The following FUT8 variants were observed in gnomAD, a reference collection of about 807,000 sequenced individuals.
The protein encoded by FUT8 is alpha-(1,6)-fucosyltransferase.
Under a neutral mutation model 71.3 loss-of-function variants are expected in FUT8, and 29 were observed. That is an observed-to-expected ratio of 0.41 (90% CI 0.30 to 0.55). The LOEUF (loss-of-function observed/expected upper bound fraction) is 0.55, where lower values mean the gene tolerates loss of function less well. Ranked by LOEUF, FUT8 falls within the 20% of genes least tolerant of loss-of-function variation. FUT8 has a pLI of 0.34. For missense variants in FUT8, 544 were observed against 702.1 expected, an observed-to-expected ratio of 0.77 and a Z score of 2.55; for synonymous variants, 254 against 239.3, an observed-to-expected ratio of 1.06 and a Z score of -0.57.
the FUT8 span, among the ~76,000 whole-genome samples, chr14:65,374,807 G>A: frequency 6.7e-6 from 1 of 150,100 alleles, no homozygotes; most frequent in Admixed American, 6.7e-5. Flanking sequence ...TCACCATATT[G>A]GCCAGGCTGG....
chr14:65,472,608 G>C lies in FUT8; in HGVS notation c.-228+16890G>C, dbSNP rs1477956914. Among the ~76,000 whole-genome samples, 1 of 151,714 alleles carries C rather than the reference G, an allele frequency of 6.6e-6. No homozygotes were observed. The highest frequency in any genetic ancestry group is 6.6e-5 in the Admixed American group (1 of 15,240). On this transcript the variant is annotated intron_variant, in intron 2 of 10. Transcript: ENST00000673929. The surrounding 1 kb of genome is among the most constrained non-coding windows in gnomAD (Gnocchi z 4.4). ...TTTTTATAGCCTTTTTGGGTGTAGG[G>C]TCATGTCAGGCTTTACTAATTGCAC...
At chr14:65,704,883 C>A (rs913633061) in intron 7 of FUT8, among the ~76,000 whole-genome samples, 10 of 152,304 alleles carry the variant, frequency 6.6e-5, no homozygotes, top group African/African-American at 2.4e-4. Context: ...TTCTTTTAGT[C>A]CCCAACCCAG....
intron 2 of FUT8, among the ~76,000 whole-genome samples, chr14:65,548,941 A>T (rs1429620759): frequency 6.6e-6 from 1 of 152,186 alleles, no homozygotes; most frequent in East Asian, 1.9e-4. Flanking sequence ...ACCAGAGAAG[A>T]TATACGGATA....
chr14:65,424,994 T>C (rs1244824845), intron 1 of FUT8, among the ~76,000 whole-genome samples: 1 of 151,918 alleles, frequency 6.6e-6, no homozygotes, highest in Admixed American at 6.6e-5. Context: ...GTTATATGGT[T>C]GTCTATGAAT....
At chr14:65,673,262 T>A (rs1433434102) in intron 7 of FUT8, among the ~76,000 whole-genome samples, 1 of 152,216 alleles carries the variant, frequency 6.6e-6, no homozygotes, top group African/African-American at 2.4e-5. Context: ...AGAGTTTTAT[T>A]TGACATCCTT....
chr14:65,577,502 TAGA>T (rs1270804032), intron 3 of FUT8, among the ~76,000 whole-genome samples: 1 of 152,202 alleles, frequency 6.6e-6, no homozygotes, highest in Non-Finnish European at 1.5e-5. Context: ...ATTAAAAAAA[TAGA>T]AGATTTTTGT....
intron 3 of FUT8, among the ~76,000 whole-genome samples, chr14:65,587,188 CA>C (rs552458003): frequency 1.4e-3 from 89 of 62,878 alleles, no homozygotes; most frequent in South Asian, 1.4e-3. Flanking sequence ...GACTCTGTCT[CA>C]AAAAAAAAAA....
At chr14:65,644,651 G>A (rs549047878) in intron 6 of FUT8, among the ~76,000 whole-genome samples, 38 of 152,216 alleles carry the variant, frequency 2.5e-4, no homozygotes, top group South Asian at 1.7e-3. Context: ...GTGAGCCACC[G>A]CGCCCGGCCA....
chr14:65,359,023 A>C, the FUT8 span, among the ~76,000 whole-genome samples: 1 of 152,218 alleles, frequency 6.6e-6, no homozygotes, highest in African/African-American at 2.4e-5. Context: ...TACTGAGTCC[A>C]TATTCACACT....
At chr14:65,499,338 G>T (rs1433676484) in intron 2 of FUT8, among the ~76,000 whole-genome samples, 1 of 152,036 alleles carries the variant, frequency 6.6e-6, no homozygotes, top group East Asian at 1.9e-4. Context: ...GGATGGTGTT[G>T]ATAAACTAGA....
intron 5 of FUT8, among the ~76,000 whole-genome samples, chr14:65,622,698 C>T (rs995171684): frequency 6.6e-6 from 1 of 152,144 alleles, no homozygotes; most frequent in African/African-American, 2.4e-5. Context: ...ACATTTTTAT[C>T]CTTAGCATTG....
intron 1 of FUT8, among the ~76,000 whole-genome samples, chr14:65,424,208 A>G (rs989474204): frequency 6.6e-6 from 1 of 152,246 alleles, no homozygotes; most frequent in Non-Finnish European, 1.5e-5. Context: ...GATTAATGTC[A>G]CATGGTACTT....
At chr14:65,434,898 T>C (rs994730925) in intron 1 of FUT8, among the ~76,000 whole-genome samples, 8 of 152,346 alleles carry the variant, frequency 5.3e-5, no homozygotes, top group Admixed American at 2.0e-4. Flanking sequence ...TACACAGTTC[T>C]ATGGATTTTG....
At chr14:65,403,141 C>T in the FUT8 span, among the ~76,000 whole-genome samples, 1 of 152,102 alleles carries the variant, frequency 6.6e-6, no homozygotes, top group African/African-American at 2.4e-5. Context: ...TTTTGTAGAG[C>T]CATAAATGGC....
At chr14:65,525,496 G>T (rs1319288016) in intron 2 of FUT8, among the ~76,000 whole-genome samples, 1 of 152,016 alleles carries the variant, frequency 6.6e-6, no homozygotes, top group East Asian at 1.9e-4. Context: ...CAATTTTGTT[G>T]ATGTTTTCAA....
intron 1 of FUT8, among the ~76,000 whole-genome samples, chr14:65,422,300 G>A (rs1442558832): frequency 6.6e-6 from 1 of 152,064 alleles, no homozygotes; most frequent in Non-Finnish European, 1.5e-5. Flanking sequence ...GGGGTTTGTA[G>A]CATTATAGAT....
intron 7 of FUT8, among the ~76,000 whole-genome samples, chr14:65,692,415 C>T (rs1386626140): frequency 2.1e-5 from 3 of 145,060 alleles, no homozygotes; most frequent in Admixed American, 6.7e-5. Context: ...GGCTGACCCC[C>T]CCACCTCCCT....
At chr14:65,480,294 C>G (rs1472562311) in intron 2 of FUT8, among the ~76,000 whole-genome samples, 3 of 137,536 alleles carry the variant, frequency 2.2e-5, no homozygotes, top group Middle Eastern at 3.6e-3. Flanking sequence ...CAGAAATGAA[C>G]TGTGATTTTT....
At chr14:65,622,219 C>T (rs997151944) in intron 5 of FUT8, among the ~76,000 whole-genome samples, 6 of 152,174 alleles carry the variant, frequency 3.9e-5, no homozygotes, top group African/African-American at 1.2e-4. Flanking sequence ...CTCCAAAATC[C>T]GTTCTCTTAA....
Sources: allele counts gnomAD v4.1 joint callset (sites outside exome capture counted in the v4.1 genomes callset), GRCh38; gene constraint gnomAD v4.1.1; non-coding constraint Gnocchi (gnomAD v3.1); transcripts MANE v1.5; gene names NCBI Gene and HGNC (gene_info 2026-07-23, HGNC 2026-07-21).